SPAG16: variants seen among roughly 807,000 people sequenced by gnomAD.
SPAG16 encodes sperm-associated antigen 16 protein.
SPAG16 carries 86 observed loss-of-function variants against 80.4 expected under a neutral mutation model. That is an observed-to-expected ratio of 1.07 (90% confidence interval 0.90 to 1.28). The LOEUF (loss-of-function observed/expected upper bound fraction) is 1.28, where lower values mean the gene tolerates loss of function less well. SPAG16 is among the 50% of genes most tolerant of loss of function. SPAG16 has a pLI of 0.00. For synonymous variants in SPAG16, 294 were observed against 265.9 expected (o/e 1.11, Z -1.03); for missense variants, 870 against 765.3 (o/e 1.14, Z -1.61).
At chr2:214,142,840 G>C (rs1286661138) in intron 14 of SPAG16, among the ~76,000 whole-genome samples, 1 of 152,122 alleles carries the variant, frequency 6.6e-6, no homozygotes, top group East Asian at 1.9e-4. Flanking sequence ...GCAGTAAGTT[G>C]ATGTTTATCT....
intron 13 of SPAG16, among the ~76,000 whole-genome samples, chr2:214,041,974 G>GTA (rs1368628576): frequency 1.1e-5 from 1 of 91,938 alleles, no homozygotes; most frequent in African/African-American, 5.2e-5. Flanking sequence ...GTGTGTCTGT[G>GTA]TGTGTATATA....
At chr2:214,145,498 T>A (rs989388523) in intron 14 of SPAG16, among the ~76,000 whole-genome samples, 1 of 152,152 alleles carries the variant, frequency 6.6e-6, no homozygotes, top group Non-Finnish European at 1.5e-5. Flanking sequence ...ATTGCTAAAT[T>A]TTTCTCTTAT....
At chr2:214,114,052 T>A (rs1166226856) in intron 14 of SPAG16, among the ~76,000 whole-genome samples, 1 of 152,156 alleles carries the variant, frequency 6.6e-6, no homozygotes, top group Non-Finnish European at 1.5e-5. Context: ...TTCCTTTCTG[T>A]TTGTTATTTT....
At chr2:213,506,442 G>A (rs1240494778) in intron 10 of SPAG16, among the ~76,000 whole-genome samples, 4 of 152,100 alleles carry the variant, frequency 2.6e-5, no homozygotes, top group African/African-American at 7.2e-5. Context: ...TATCCCAAGT[G>A]TGTCAAGTTA....
At chr2:214,177,011 C>T (rs1200296557) in intron 15 of SPAG16, among the ~76,000 whole-genome samples, 1 of 151,044 alleles carries the variant, frequency 6.6e-6, no homozygotes, top group Non-Finnish European at 1.5e-5. Flanking sequence ...GAAAAACCCT[C>T]ACTTCTGGAG....
At chr2:213,320,136 C>T (rs1247965944) in intron 5 of SPAG16, among the ~76,000 whole-genome samples, 1 of 151,828 alleles carries the variant, frequency 6.6e-6, no homozygotes, top group African/African-American at 2.4e-5. Flanking sequence ...AAAGTGCTTC[C>T]TTATAGCCTG....
chr2:214,348,271 A>G (rs1368840075), intron 15 of SPAG16, among the ~76,000 whole-genome samples: 2 of 152,194 alleles, frequency 1.3e-5, no homozygotes, highest in Non-Finnish European at 2.9e-5. Context: ...ACAGGATAAG[A>G]CTTTGGGAAG....
At chr2:214,238,390 G>T in intron 15 of SPAG16, 1 of 164,788 alleles carries the variant, frequency 6.1e-6, no homozygotes, top group Non-Finnish European at 1.3e-5. Flanking sequence ...TTTATTCAGG[G>T]ATTATTTTCA....
intron 7 of SPAG16, among the ~76,000 whole-genome samples, chr2:213,356,880 G>T (rs574077891): frequency 6.6e-5 from 10 of 152,172 alleles, no homozygotes; most frequent in Admixed American, 6.5e-4. Context: ...TCTCTTGCGG[G>T]TATTTAGTGC....
chr2:213,754,373 T>C (rs752217095), intron 10 of SPAG16, among the ~76,000 whole-genome samples: 1 of 152,214 alleles, frequency 6.6e-6, no homozygotes, highest in Non-Finnish European at 1.5e-5. Context: ...TTTGCAGTGA[T>C]GTGGAGCTGG....
At chr2:213,351,708 T>C (rs1172772852) in intron 7 of SPAG16, among the ~76,000 whole-genome samples, 2 of 152,196 alleles carry the variant, frequency 1.3e-5, no homozygotes, top group African/African-American at 4.8e-5. Context: ...TTGAATAATT[T>C]TATTTGTCAA....
chr2:214,185,492 TA>T (rs796679771), intron 15 of SPAG16, among the ~76,000 whole-genome samples: 74 of 147,150 alleles, frequency 5.0e-4, no homozygotes, highest in Middle Eastern at 3.5e-3. Context: ...TCCTATGTGA[TA>T]AAAAAAAAAG....
chr2:214,333,936 G>C (rs1697105029), intron 15 of SPAG16, among the ~76,000 whole-genome samples: 1 of 152,172 alleles, frequency 6.6e-6, no homozygotes, highest in Non-Finnish European at 1.5e-5. Flanking sequence ...TTTTTACTCA[G>C]TCTTCCAAGA....
At chr2:213,635,950 T>G (rs560407961) in intron 10 of SPAG16, among the ~76,000 whole-genome samples, 2 of 152,350 alleles carry the variant, frequency 1.3e-5, no homozygotes, top group African/African-American at 4.8e-5. Context: ...CATTTTAGTT[T>G]AATTAAGTAC....
intron 10 of SPAG16, among the ~76,000 whole-genome samples, chr2:213,666,299 C>T (rs2063599668): frequency 6.6e-6 from 1 of 152,046 alleles, no homozygotes; most frequent in Non-Finnish European, 1.5e-5. Flanking sequence ...CCCTCTTGGT[C>T]AATCATACAA....
intron 15 of SPAG16, among the ~76,000 whole-genome samples, chr2:214,218,739 G>A (rs1022312302): frequency 6.6e-6 from 1 of 152,194 alleles, no homozygotes; most frequent in Non-Finnish European, 1.5e-5. Context: ...GAAGATGCAT[G>A]GCAGGTAGTC....
intron 10 of SPAG16, among the ~76,000 whole-genome samples, chr2:213,694,352 A>G (rs1230395627): frequency 2.0e-5 from 3 of 152,202 alleles, no homozygotes; most frequent in Non-Finnish European, 2.9e-5. Context: ...TCCCTTATTC[A>G]GAGAAGTGTT....
At chr2:214,077,186 C>A (rs1195215514) in intron 13 of SPAG16, among the ~76,000 whole-genome samples, 1 of 152,088 alleles carries the variant, frequency 6.6e-6, no homozygotes, top group East Asian at 1.9e-4. Flanking sequence ...TAACAGGCAA[C>A]CACAACCTCC....
In SPAG16 at chr2:213,364,063, T is replaced by A; in HGVS notation, c.763-13T>A. 7.1e-7 allele frequency: 1 copy of A among 1,402,100 alleles called. No homozygotes were observed. The highest frequency in any genetic ancestry group is 1.5e-5 in the South Asian group (1 of 66,314). 86.9% of individuals were successfully genotyped at this position (1,402,100 alleles called of 1,614,324 possible). A position where few individuals can be genotyped will look rare whatever the true frequency, so the allele number is the denominator to read the frequency against. ...TAGTGTATAATTTCATTTCTTTGAA[T>A]TTTACTTTTTAGATTTCTGGACTTC... On this transcript the variant is annotated splice_polypyrimidine_tract_variant and intron_variant, in intron 7 of 15. Coordinates refer to ENST00000331683, the MANE Select transcript of SPAG16 (RefSeq NM_024532.5).
Sources: allele counts gnomAD v4.1 joint callset (sites outside exome capture counted in the v4.1 genomes callset), GRCh38; gene constraint gnomAD v4.1.1; transcripts MANE v1.5; gene names NCBI Gene and HGNC (gene_info 2026-07-23, HGNC 2026-07-21).